Variants in GPSM2 observed in about 807,000 individuals in gnomAD.
GPSM2 encodes G protein signaling modulator 2, also known as G protein-signaling modulator 2.
In GPSM2, 58 loss-of-function variants were observed where a neutral mutation model predicts 78.4. That is an observed-to-expected ratio of 0.74 (90% CI 0.60 to 0.92). The LOEUF (loss-of-function observed/expected upper bound fraction) is 0.92. Among genes scored for constraint, GPSM2 ranks in the 40% least tolerant of loss-of-function variants. The pLI, the probability that GPSM2 is intolerant of heterozygous loss-of-function variation, is 0.00. For missense variants in GPSM2, 700 were observed against 815.5 expected (o/e 0.86, Z 1.73); for synonymous variants, 224 against 280.2 (o/e 0.80, Z 2.00).
intron 10 of GPSM2, 119 bp from the exon 11 acceptor site, chr1:108,914,219 G>T: frequency 2.9e-6 from 2 of 693,054 alleles, no homozygotes; most frequent in South Asian, 3.3e-5. Flanking sequence ...TATTTGTACA[G>T]GTTTTCTCGT....
chr1:108,920,124 G>A (rs1343672423), intron 12 of GPSM2, among the ~76,000 whole-genome samples: 5 of 151,738 alleles, frequency 3.3e-5, no homozygotes, highest in African/African-American at 9.7e-5. Context: ...CTGAGATTGC[G>A]CCACTGCACT....
intron 11 of GPSM2, among the ~76,000 whole-genome samples, chr1:108,916,727 C>A (rs1650261163): frequency 1.3e-5 from 2 of 152,186 alleles, no homozygotes; most frequent in Admixed American, 1.3e-4. Flanking sequence ...TGATAAAATT[C>A]TATCCTTAAT....
At position 108,904,165 on chromosome 1, in the gene GPSM2, T is replaced by A; in HGVS notation, c.1103T>A (p.Leu368His). The change falls in exon 10 of 15, where the codon CTC becomes CAC. Residue 368 changes from leucine to histidine, a missense_variant. Physicochemically the swap from Leu to His is moderately conservative, Grantham distance 99. Coordinates refer to ENST00000264126, the MANE Select transcript of GPSM2 (RefSeq NM_013296.5). ...GGTGAACTAACAGCACGACTTAATCTCTCAGACCTTCAAATGGTTCTTGGT... is the reference window on the plus strand; with the variant it reads ...GGTGAACTAACAGCACGACTTAATCACTCAGACCTTCAAATGGTTCTTGGT... ...KSGELTARLN[L>H]SDLQMVLGLS... The A allele has an allele frequency of 6.3e-7, 1 of 1,595,334 alleles. No homozygotes were observed. The highest frequency in any genetic ancestry group is 8.6e-7 in the Non-Finnish European group (1 of 1,163,536).
At chr1:108,897,358 C>A (rs1648447940) in intron 3 of GPSM2, 134 bp from the exon 4 acceptor site, 1 of 815,454 alleles carries the variant, frequency 1.2e-6, no homozygotes, top group Non-Finnish European at 1.9e-6. Flanking sequence ...GGTTTCAAAG[C>A]CAATGGGTTT....
At position 108,932,300 on chromosome 1, in the gene GPSM2, CAATAT is replaced by C. The variant is rs1358317202; in HGVS notation, c.*2363_*2367del. ...AAAGTAAAATTTCAAAAAAGCTTCA[CAATAT>C]AAACCTTAATTTTAATGACATATTG... On this transcript the variant is annotated 3_prime_UTR_variant, in exon 15 of 15. Coordinates refer to ENST00000264126, the MANE Select transcript of GPSM2 (RefSeq NM_013296.5). 6.6e-6 allele frequency: 1 copy of C among 152,046 alleles called. No homozygotes were observed. Among genetic ancestry groups the C allele is most frequent in the East Asian group, 1.9e-4 (1 of 5,192 alleles). The allele number at this position is 152,046 out of a possible 1,614,324, so 9.4% of individuals were successfully genotyped here.
At chr1:108,916,705 C>G (rs1010503229) in intron 11 of GPSM2, among the ~76,000 whole-genome samples, 1 of 152,202 alleles carries the variant, frequency 6.6e-6, no homozygotes, top group Non-Finnish European at 1.5e-5. Context: ...TTGTAATTCT[C>G]CAAGAGCCAA....
At chr1:108,891,672 T>TC (rs1250258370) in intron 2 of GPSM2, among the ~76,000 whole-genome samples, 1 of 149,634 alleles carries the variant, frequency 6.7e-6, no homozygotes, top group East Asian at 1.9e-4. Context: ...TAATTTTTTT[T>TC]TTTTTTTTTT....
chr1:108,883,692 T>A (rs1452618263), intron 1 of GPSM2, among the ~76,000 whole-genome samples: 1 of 152,228 alleles, frequency 6.6e-6, no homozygotes, highest in Non-Finnish European at 1.5e-5. Flanking sequence ...CTCTCTCTAA[T>A]GTATCGGTAT....
chr1:108,901,792 A>G lies in GPSM2; in HGVS notation c.800A>G (p.Lys267Arg). Reference protein sequence around the residue: ...EFETASEYYKKTLLLARQLKD... With the variant: ...EFETASEYYKRTLLLARQLKD... ...TAAGAATTAATTTCTTCTTGTAGGA[A>G]GACACTACTGTTGGCCCGACAGCTT... Residue 267 changes from lysine (K) to arginine (R), a missense_variant and splice_region_variant, in exon 8 of 15, where the codon AAG (lysine) becomes AGG (arginine). Lys to Arg is a conservative substitution (Grantham distance 26). Transcript: ENST00000264126. 6.2e-7 allele frequency: 1 copy of G among 1,608,606 alleles called. No homozygotes were observed. The highest frequency in any genetic ancestry group is 1.1e-5 in the South Asian group (1 of 90,956).
At chr1:108,885,198 A>G (rs770415864) in intron 1 of GPSM2, 77 bp from the exon 2 acceptor site, 13 of 224,338 alleles carry the variant, frequency 5.8e-5, no homozygotes, top group Middle Eastern at 1.7e-3. Context: ...GCTTGTGATT[A>G]TGTACAGCTC....
chr1:108,883,896 TTTG>T (rs376686209), intron 1 of GPSM2, among the ~76,000 whole-genome samples: 24 of 151,680 alleles, frequency 1.6e-4, no homozygotes, highest in African/African-American at 2.9e-4. Context: ...ACATTGAGGG[TTTG>T]TTGTTGTTGT....
At chr1:108,898,410 A>G (rs1648545441) in intron 5 of GPSM2, among the ~76,000 whole-genome samples, 1 of 152,214 alleles carries the variant, frequency 6.6e-6, no homozygotes, top group South Asian at 2.1e-4. Flanking sequence ...AGGGGTTCCA[A>G]GATTAACTCT....
At chr1:108,918,427 C>T (rs1650444902) in intron 11 of GPSM2, among the ~76,000 whole-genome samples, 186 bp from the exon 12 acceptor site, 1 of 152,140 alleles carries the variant, frequency 6.6e-6, no homozygotes, top group African/African-American at 2.4e-5. Flanking sequence ...CCACAGTATG[C>T]ATTTGGTACA....
intron 11 of GPSM2, among the ~76,000 whole-genome samples, chr1:108,916,125 A>G (rs1186901357): frequency 2.6e-5 from 4 of 151,524 alleles, no homozygotes; most frequent in Non-Finnish European, 5.9e-5. Context: ...CTGGTGTCAC[A>G]TGCCATGCCT....
At chr1:108,908,410 G>A (rs192400887) in intron 10 of GPSM2, among the ~76,000 whole-genome samples, 5 of 151,692 alleles carry the variant, frequency 3.3e-5, no homozygotes, top group Admixed American at 1.3e-4. Context: ...GAGGCCAGGC[G>A]CGGTGGCTCA....
At chr1:108,920,530 C>CTT (rs1327387864) in intron 12 of GPSM2, among the ~76,000 whole-genome samples, 1 of 151,544 alleles carries the variant, frequency 6.6e-6, no homozygotes, top group Non-Finnish European at 1.5e-5. Flanking sequence ...AAAAAAAAAG[C>CTT]CTTTTTTTTT....
chr1:108,890,137 C>T (rs923259812), intron 2 of GPSM2, among the ~76,000 whole-genome samples: 1 of 152,134 alleles, frequency 6.6e-6, no homozygotes, highest in African/African-American at 2.4e-5. Flanking sequence ...GTGCATTTTT[C>T]TTTCTTAGCA....
Position 108,885,527 on chromosome 1 carries a change from A to C in GPSM2, c.5A>C (p.Glu2Ala). 6.4e-7 allele frequency: 1 copy of C among 1,555,812 alleles called. No homozygotes were observed. The highest frequency in any genetic ancestry group is 8.9e-7 in the Non-Finnish European group (1 of 1,127,254). ...TTCAGCTTATAATATGACTCGATGGAGGAAAATTTGATAAGCATGAGAGAA... is the reference window on the plus strand; with the variant it reads ...TTCAGCTTATAATATGACTCGATGGCGGAAAATTTGATAAGCATGAGAGAA... The part of the protein sequence containing the change: M[E>A]ENLISMREDH... The change falls in exon 2 of 15, where the codon GAG becomes GCG. Residue 2 changes from glutamate (E) to alanine (A), a missense_variant. Coordinates refer to ENST00000264126, the MANE Select transcript of GPSM2 (RefSeq NM_013296.5).
At chr1:108,922,320 T>C in intron 12 of GPSM2, 97 bp from the exon 13 acceptor site, 1 of 880,754 alleles carries the variant, frequency 1.1e-6, no homozygotes, top group Non-Finnish European at 1.9e-6. Flanking sequence ...ATCCTCATCC[T>C]TTACCTTTTG....
Sources: allele counts gnomAD v4.1 joint callset (sites outside exome capture counted in the v4.1 genomes callset), GRCh38; gene constraint gnomAD v4.1.1; transcripts MANE v1.5; gene names NCBI Gene and HGNC (gene_info 2026-07-23, HGNC 2026-07-21).